POLN: variants seen among roughly 807,000 people sequenced by gnomAD.
The protein encoded by POLN is DNA polymerase nu.
Under a neutral mutation model 113.5 loss-of-function variants are expected in POLN, and 108 were observed. That is an observed-to-expected ratio of 0.95 (90% confidence interval 0.81 to 1.12). POLN has a LOEUF of 1.12. Among genes scored for constraint, POLN ranks in the 50% most tolerant of loss-of-function variants. The pLI is 0.00. For synonymous variants in POLN, 386 were observed against 391.5 expected (o/e 0.99, Z 0.17); for missense variants, 1,097 against 1,077.1 (o/e 1.02, Z -0.26).
chr4:2,242,000 C>G (rs1457789129), intron 1 of POLN, 51 bp downstream of exon 1: 2 of 985,566 alleles, frequency 2.0e-6, no homozygotes, highest in Non-Finnish European at 2.4e-6. Flanking sequence ...ATCGCGGCCA[C>G]TCCTCCAGCC....
At chr4:2,204,207 A>C (rs529321404) in intron 5 of POLN, among the ~76,000 whole-genome samples, 1 of 152,104 alleles carries the variant, frequency 6.6e-6, no homozygotes, top group African/African-American at 2.4e-5. Context: ...AGATTAACCA[A>C]GAAAATAAGA....
chr4:2,241,201 G>A (rs1734974225), intron 2 of POLN: 1 of 376,230 alleles, frequency 2.7e-6, no homozygotes, highest in East Asian at 5.2e-5. Context: ...TAAATGACAG[G>A]TAGTCGTAGC....
chr4:2,142,179 T>G (rs1732018789), intron 16 of POLN, among the ~76,000 whole-genome samples: 2 of 152,244 alleles, frequency 1.3e-5, no homozygotes, highest in Non-Finnish European at 2.9e-5. Context: ...AAACACTTTT[T>G]GATCTCTCAT....
intron 20 of POLN, among the ~76,000 whole-genome samples, chr4:2,094,635 T>A (rs1046008989): frequency 1.3e-5 from 2 of 151,872 alleles, no homozygotes; most frequent in African/African-American, 4.8e-5. Flanking sequence ...TCTGCAGAAG[T>A]GAGGGATGGG....
At chr4:2,200,335 C>T (rs1560091380) in intron 5 of POLN, among the ~76,000 whole-genome samples, 1 of 152,210 alleles carries the variant, frequency 6.6e-6, no homozygotes, top group Non-Finnish European at 1.5e-5. Context: ...GACTAGATTG[C>T]AGCTCCCACT....
intron 21 of POLN, among the ~76,000 whole-genome samples, chr4:2,084,123 T>C (rs1011684067): frequency 1.2e-4 from 19 of 152,240 alleles, no homozygotes; most frequent in Non-Finnish European, 2.9e-5. Context: ...CCTCCTCAGT[T>C]ACTGTGTTAA....
intron 24 of POLN, among the ~76,000 whole-genome samples, chr4:2,074,027 C>T (rs1018322014): frequency 6.6e-6 from 1 of 152,238 alleles, no homozygotes; most frequent in Non-Finnish European, 1.5e-5. Context: ...GCTGGAGAGC[C>T]GGCCCAGGCC....
chr4:2,104,507 G>C (rs2224675), intron 19 of POLN, among the ~76,000 whole-genome samples: 1 of 152,100 alleles, frequency 6.6e-6, no homozygotes, highest in Non-Finnish European at 1.5e-5. Flanking sequence ...AATGGCAATG[G>C]ATGAGGGTTG....
intron 19 of POLN, among the ~76,000 whole-genome samples, chr4:2,113,684 C>G (rs947061497): frequency 1.3e-5 from 2 of 151,314 alleles, no homozygotes; most frequent in African/African-American, 4.8e-5. Flanking sequence ...ATGGAGAAAC[C>G]CCATCTCTAC....
Position 2,210,644 on chromosome 4 carries a change from C to T in POLN, c.214-2157G>A, listed in dbSNP as rs998175527. Among the ~76,000 whole-genome samples the T allele has an allele frequency of 8.2e-5, 12 of 146,474 alleles. No homozygotes were observed. In the South Asian group the frequency reaches 2.4e-3, roughly 29 times the overall value. ...AATAATAATAATAAAAAAAAGAGGC[C>T]GGGCATGGTGGCTCACGCCTGTAAT... On this transcript the variant is annotated intron_variant, in intron 4 of 25. Coordinates refer to ENST00000511885, the MANE Select transcript of POLN (RefSeq NM_181808.4).
intron 8 of POLN, among the ~76,000 whole-genome samples, chr4:2,177,965 C>A (rs1174965085): frequency 6.6e-6 from 1 of 152,224 alleles, no homozygotes; most frequent in Non-Finnish European, 1.5e-5. Flanking sequence ...CTTCCCAAGG[C>A]CTGGTACTGC....
rs756186997 is a variant in POLN at position 2,208,281 on chromosome 4, T to C, written c.420A>G (p.Leu140=). The stretch of plus-strand genomic sequence containing the variant: ...TATTTTCATTATTTATATTCTCCAT[T>C]AGGAAATGCTTTCTTTTATGCCCCT... The part of the protein sequence containing the change: ...QKKGHKRKHF[L]MENINNENKG... The change falls in exon 5 of 26, where the codon CTA becomes CTG. Residue 140 remains leucine (L), a synonymous_variant. Coordinates refer to ENST00000511885, the MANE Select transcript of POLN (RefSeq NM_181808.4). The C allele has an allele frequency of 6.3e-7, 1 of 1,592,814 alleles. No homozygotes were observed. The highest frequency in any genetic ancestry group is 1.7e-5 in the Admixed American group (1 of 58,432).
chr4:2,086,003 C>T (rs1730540817), intron 20 of POLN, among the ~76,000 whole-genome samples: 1 of 152,214 alleles, frequency 6.6e-6, no homozygotes, highest in African/African-American at 2.4e-5. Flanking sequence ...GACATGGTCC[C>T]TCCTCCCAGT....
At chr4:2,154,743 G>A (rs1230815049) in intron 16 of POLN, among the ~76,000 whole-genome samples, 1 of 152,194 alleles carries the variant, frequency 6.6e-6, no homozygotes, top group Non-Finnish European at 1.5e-5. Flanking sequence ...CTATGATAAA[G>A]TACAGGTATG....
Position 2,127,623 on chromosome 4 carries a change from G to A in POLN, c.1982+490C>T, listed in dbSNP as rs940041827. ...TGATGAAAAAGGACGGGCCTGGGAC[G>A]ACACTGCCAAGCTGCCCAACAAAAC... On this transcript the variant is annotated intron_variant, in intron 19 of 25. Transcript: ENST00000511885. This position sits in a 1 kb window ranked among gnomAD's most constrained non-coding sequence, Gnocchi z 4.7. Among the ~76,000 whole-genome samples, 2 of 152,200 alleles carry A rather than the reference G, an allele frequency of 1.3e-5. No homozygotes were observed. The highest frequency in any genetic ancestry group is 2.4e-5 in the African/African-American group (1 of 41,464).
chr4:2,157,000 G>T, intron 15 of POLN, 147 bp from the exon 16 acceptor site: 1 of 666,294 alleles, frequency 1.5e-6, no homozygotes, highest in Non-Finnish European at 2.6e-6. Flanking sequence ...ACCCTGAAAT[G>T]TCCTTGGGGT....
At chr4:2,196,716 T>G (rs1465007604) in intron 6 of POLN, among the ~76,000 whole-genome samples, 1 of 151,670 alleles carries the variant, frequency 6.6e-6, no homozygotes, top group Non-Finnish European at 1.5e-5. Context: ...TTAATCCCAG[T>G]CCTCTCCCCC....
At position 2,210,620 on chromosome 4, in the gene POLN, AT is replaced by A. The variant is rs1560095101; in HGVS notation, c.214-2134del. On this transcript the variant is annotated intron_variant, in intron 4 of 25. Coordinates refer to ENST00000511885, the MANE Select transcript of POLN (RefSeq NM_181808.4). The stretch of plus-strand genomic sequence containing the variant: ...AATAATAATAATAATAATAATAATA[AT>A]AATAATAATAAAAAAAAGAGGCCGG... Among the ~76,000 whole-genome samples, 61 of 137,616 alleles carry A rather than the reference AT, an allele frequency of 4.4e-4. 1 individual carries two copies. Among genetic ancestry groups the A allele is most frequent in the African/African-American group, 1.6e-3 (55 of 34,412 alleles). 90.3% of individuals were successfully genotyped at this position (137,616 alleles called of 152,430 possible). A position where few individuals can be genotyped will look rare whatever the true frequency, so the allele number is the denominator to read the frequency against.
At chr4:2,140,629 TC>T (rs976344246) in intron 16 of POLN, among the ~76,000 whole-genome samples, 6 of 151,912 alleles carry the variant, frequency 3.9e-5, no homozygotes, top group African/African-American at 1.4e-4. Flanking sequence ...ACATCTGTAA[TC>T]CCAGCTACTC....
Sources: allele counts gnomAD v4.1 joint callset (sites outside exome capture counted in the v4.1 genomes callset), GRCh38; gene constraint gnomAD v4.1.1; non-coding constraint Gnocchi (gnomAD v3.1); transcripts MANE v1.5; gene names NCBI Gene and HGNC (gene_info 2026-07-23, HGNC 2026-07-21).